GRM8: variants seen among roughly 807,000 people sequenced by gnomAD.
The protein encoded by GRM8 is metabotropic glutamate receptor 8.
GRM8 carries 47 observed loss-of-function variants against 87.2 expected under a neutral mutation model. That is an observed-to-expected ratio of 0.54 (90% CI 0.43 to 0.69). The LOEUF (loss-of-function observed/expected upper bound fraction) is 0.69. Ranked by LOEUF, GRM8 falls within the 30% of genes least tolerant of loss-of-function variation. GRM8 has a pLI of 0.00. For missense variants in GRM8, 1,019 were observed against 1,139.2 expected (o/e 0.89, Z 1.52); for synonymous variants, 396 against 404.5 (o/e 0.98, Z 0.25).
At chr7:126,999,350 A>G (rs1285103295) in intron 3 of GRM8, among the ~76,000 whole-genome samples, 1 of 151,860 alleles carries the variant, frequency 6.6e-6, no homozygotes, top group Non-Finnish European at 1.5e-5. Flanking sequence ...TTTGAATAAT[A>G]CTGCACAAGC....
chr7:126,792,079 G>A (rs1821404562), intron 6 of GRM8, among the ~76,000 whole-genome samples: 1 of 152,142 alleles, frequency 6.6e-6, no homozygotes, highest in Non-Finnish European at 1.5e-5. Context: ...AAATGCTGCT[G>A]TTATCCCAGT....
chr7:126,704,036 A>G (rs1810226783), intron 7 of GRM8, among the ~76,000 whole-genome samples: 1 of 152,176 alleles, frequency 6.6e-6, no homozygotes, highest in South Asian at 2.1e-4. Flanking sequence ...ATTAAGTCAG[A>G]CTGTCAGGAC....
intron 2 of GRM8, among the ~76,000 whole-genome samples, chr7:127,135,456 A>G (rs1178951961): frequency 2.0e-5 from 3 of 152,008 alleles, no homozygotes; most frequent in Admixed American, 2.0e-4. Context: ...ACTAATTCCA[A>G]CTGATCTTTC....
intron 8 of GRM8, among the ~76,000 whole-genome samples, chr7:126,565,624 A>G (rs1050178088): frequency 6.6e-6 from 1 of 152,150 alleles, no homozygotes; most frequent in South Asian, 2.1e-4. Context: ...ACTCAAAGTG[A>G]TCTACAGATT....
At chr7:126,802,325 G>C (rs908235801) in intron 6 of GRM8, among the ~76,000 whole-genome samples, 19 of 152,064 alleles carry the variant, frequency 1.2e-4, no homozygotes, top group Admixed American at 1.0e-3. Context: ...TGGCTAATAT[G>C]TTCCCAATCT....
intron 9 of GRM8, among the ~76,000 whole-genome samples, chr7:126,485,483 G>A (rs1436791898): frequency 6.6e-6 from 1 of 151,994 alleles, no homozygotes; most frequent in African/African-American, 2.4e-5. Context: ...ATTGCAATAT[G>A]TGAAATGATG....
chr7:126,529,132 T>A (rs1422209833), intron 9 of GRM8, among the ~76,000 whole-genome samples: 2 of 152,118 alleles, frequency 1.3e-5, no homozygotes, highest in Admixed American at 1.3e-4. Context: ...TAATGACAAC[T>A]TTTTAGAAAA....
rs147075433 is a variant in GRM8, at chr7:126,599,471, G to A, written c.1494+9891C>T. Among the ~76,000 whole-genome samples the A allele has an allele frequency of 2.6e-4, 39 of 152,154 alleles. No homozygotes were observed. The East Asian group carries it at 6.6e-3, about 26-fold the overall frequency. ...ATTTTTGGTTTATTAATTTATTCAT[G>A]AACATTTAGTAAGTCCCATATTATA... On this transcript the variant is annotated intron_variant, in intron 8 of 10. Transcript: ENST00000339582.
chr7:127,000,540 T>C (rs1053823662), intron 3 of GRM8, among the ~76,000 whole-genome samples: 4 of 151,594 alleles, frequency 2.6e-5, no homozygotes, highest in Non-Finnish European at 4.4e-5. Context: ...CTACAAAAAT[T>C]AAAAATAAAA....
intron 3 of GRM8, among the ~76,000 whole-genome samples, chr7:127,104,803 C>A (rs756904620): frequency 2.0e-5 from 3 of 152,206 alleles, no homozygotes; most frequent in Non-Finnish European, 4.4e-5. Context: ...TACCAAAGCA[C>A]AGCAATGCTC....
intron 3 of GRM8, among the ~76,000 whole-genome samples, chr7:126,995,295 G>A (rs575059277): frequency 1.3e-5 from 2 of 152,212 alleles, no homozygotes; most frequent in East Asian, 3.9e-4. Flanking sequence ...TTAATGCCCA[G>A]ACACAGACAA....
chr7:126,658,912 C>T (rs1024603036), intron 7 of GRM8, among the ~76,000 whole-genome samples: 2 of 151,894 alleles, frequency 1.3e-5, no homozygotes, highest in East Asian at 1.9e-4. Flanking sequence ...AGGAGGATGC[C>T]GTAAAGAGTC....
intron 3 of GRM8, among the ~76,000 whole-genome samples, chr7:127,018,137 G>T (rs903573706): frequency 2.6e-5 from 4 of 151,608 alleles, no homozygotes; most frequent in African/African-American, 9.7e-5. Flanking sequence ...ACCAATAAGA[G>T]TAATTGTAAT....
intron 6 of GRM8, among the ~76,000 whole-genome samples, chr7:126,889,783 C>T (rs1343516424): frequency 6.6e-6 from 1 of 152,040 alleles, no homozygotes; most frequent in Non-Finnish European, 1.5e-5. Context: ...GACCTTCTGA[C>T]TTAATTCAGA....
chr7:126,787,282 C>T (rs960447735), intron 6 of GRM8, among the ~76,000 whole-genome samples: 4 of 152,146 alleles, frequency 2.6e-5, no homozygotes, highest in Admixed American at 6.6e-5. Flanking sequence ...ATTTAGATGG[C>T]CATTTATTTC....
At chr7:127,152,631 G>C (rs1342397764) in intron 2 of GRM8, among the ~76,000 whole-genome samples, 3 of 152,110 alleles carry the variant, frequency 2.0e-5, no homozygotes, top group Non-Finnish European at 4.4e-5. Context: ...CCCAGGGGAA[G>C]GTCAGCCTAG....
chr7:126,917,618 A>G (rs1804056911), intron 3 of GRM8, among the ~76,000 whole-genome samples: 2 of 152,216 alleles, frequency 1.3e-5, no homozygotes, highest in African/African-American at 2.4e-5. Flanking sequence ...CCAAGATCAC[A>G]CAGCTATTGA....
intron 3 of GRM8, among the ~76,000 whole-genome samples, chr7:127,104,906 T>G (rs1468595618): frequency 6.6e-6 from 1 of 152,246 alleles, no homozygotes; most frequent in Non-Finnish European, 1.5e-5. Context: ...TTTGTTGGAT[T>G]CTGCAACAAA....
chr7:126,694,318 C>T (rs898205204), intron 7 of GRM8, among the ~76,000 whole-genome samples: 1 of 152,008 alleles, frequency 6.6e-6, no homozygotes, highest in Non-Finnish European at 1.5e-5. Context: ...AATTAGCTAA[C>T]AAAATTTTCC....
Sources: allele counts gnomAD v4.1 joint callset (sites outside exome capture counted in the v4.1 genomes callset), GRCh38; gene constraint gnomAD v4.1.1; transcripts MANE v1.5; gene names NCBI Gene and HGNC (gene_info 2026-07-23, HGNC 2026-07-21).